The following CNOT10 variants were observed in gnomAD, a reference collection of about 807,000 sequenced individuals.
CNOT10 encodes CCR4-NOT transcription complex subunit 10, also known as CCR4-NOT transcription complex, subunit 10.
CNOT10 carries 30 observed loss-of-function variants against 94.6 expected under a neutral mutation model. The ratio of observed to expected loss-of-function variants is 0.32; its 90% CI spans 0.24 to 0.43. CNOT10 has a LOEUF of 0.43. Ranked by LOEUF, CNOT10 falls within the 20% of genes least tolerant of loss-of-function variation. CNOT10 has a pLI of 1.00. For synonymous variants in CNOT10, 289 were observed against 301.6 expected (o/e 0.96, Z 0.43); for missense variants, 759 against 877.2 (o/e 0.87, Z 1.70).
intron 4 of CNOT10, among the ~76,000 whole-genome samples, chr3:32,709,053 A>C (rs1333927823): frequency 6.6e-6 from 1 of 152,200 alleles, no homozygotes; most frequent in East Asian, 1.9e-4. Context: ...AAGTGCTGAA[A>C]ACACTTAGTG....
At chr3:32,756,470 T>C (rs888481804) in intron 13 of CNOT10, among the ~76,000 whole-genome samples, 3 of 152,126 alleles carry the variant, frequency 2.0e-5, no homozygotes, top group Admixed American at 6.6e-5. Context: ...GGAGCAGTAA[T>C]AGCCCACCTA....
chr3:32,728,042 G>C (rs1428564320), intron 10 of CNOT10, among the ~76,000 whole-genome samples, 172 bp downstream of exon 10: 3 of 150,766 alleles, frequency 2.0e-5, no homozygotes, highest in Non-Finnish European at 4.4e-5. Context: ...TATTGCCCAG[G>C]CTGGAGTGCA....
At chr3:32,726,429 T>G (rs965865204) in intron 9 of CNOT10, among the ~76,000 whole-genome samples, 8 of 152,056 alleles carry the variant, frequency 5.3e-5, no homozygotes, top group Admixed American at 3.9e-4. Flanking sequence ...GGGCGGTGGC[T>G]CACGCCTGTA....
chr3:32,772,224 G>A (rs1409714622), intron 18 of CNOT10, among the ~76,000 whole-genome samples: 2 of 152,150 alleles, frequency 1.3e-5, no homozygotes, highest in African/African-American at 2.4e-5. Flanking sequence ...TTGGCATACA[G>A]TTGTAGTTCC....
chr3:32,713,211 GT>G lies in CNOT10; in HGVS notation c.431-8del, dbSNP rs775884650. 13 of 1,555,478 alleles carry G rather than the reference GT, an allele frequency of 8.4e-6. No homozygotes were observed. The highest frequency in any genetic ancestry group is 6.1e-5 in the South Asian group (5 of 81,554). On this transcript the variant is annotated splice_polypyrimidine_tract_variant and intron_variant, in intron 4 of 18. Coordinates refer to ENST00000328834, the MANE Select transcript of CNOT10 (RefSeq NM_015442.3). ...TTAGGTTGTGACTATTCTTTTCTGT[GT>G]TTTTTTTCTCCCAGAAGAAAAATTT...
At chr3:32,717,415 T>C (rs1698171770) in intron 7 of CNOT10, among the ~76,000 whole-genome samples, 178 bp downstream of exon 7, 1 of 152,176 alleles carries the variant, frequency 6.6e-6, no homozygotes, top group Non-Finnish European at 1.5e-5. Flanking sequence ...TTTTTTTTTT[T>C]TACTTAAAAT....
intron 13 of CNOT10, among the ~76,000 whole-genome samples, chr3:32,748,280 T>C (rs191017827): frequency 2.8e-4 from 43 of 152,380 alleles, no homozygotes; most frequent in Non-Finnish European, 5.7e-4. Flanking sequence ...TGTCACAGTT[T>C]TTTGTACCAC....
chr3:32,749,117 C>T (rs761991749), intron 13 of CNOT10, among the ~76,000 whole-genome samples: 10 of 152,140 alleles, frequency 6.6e-5, no homozygotes, highest in African/African-American at 1.7e-4. Flanking sequence ...CCAACGCATC[C>T]GGCCAAGAGT....
At chr3:32,725,914 C>G (rs1698643498) in intron 9 of CNOT10, among the ~76,000 whole-genome samples, 1 of 139,468 alleles carries the variant, frequency 7.2e-6, no homozygotes, top group South Asian at 2.3e-4. Context: ...CTGTGCCAAA[C>G]TAGGTTTATT....
At chr3:32,740,038 A>G (rs1699389504) in intron 13 of CNOT10, among the ~76,000 whole-genome samples, 2 of 152,248 alleles carry the variant, frequency 1.3e-5, no homozygotes, top group African/African-American at 2.4e-5. Flanking sequence ...TCATGGCTGC[A>G]GTAAGCTGTG....
chr3:32,689,138 A>C (rs917138961), intron 1 of CNOT10, among the ~76,000 whole-genome samples: 1 of 152,146 alleles, frequency 6.6e-6, no homozygotes, highest in East Asian at 1.9e-4. Context: ...GGATCACCTG[A>C]GGACAGGAGT....
In CNOT10 at chr3:32,739,239, C is replaced by G. The variant is rs532433878; in HGVS notation, c.1595+1749C>G. 1.7e-3 allele frequency among the ~76,000 whole-genome samples: 256 copies of G among 152,278 alleles called. 1 individual carries two copies. The highest frequency in any genetic ancestry group is 5.9e-3 in the African/African-American group (244 of 41,560). On this transcript the variant is annotated intron_variant, in intron 13 of 18. Coordinates refer to ENST00000328834, the MANE Select transcript of CNOT10 (RefSeq NM_015442.3). The stretch of plus-strand genomic sequence containing the variant: ...TTTGTGATATTTGTGGGATCTCTTG[C>G]TTTCTCTCCTTTCTTCCCTAAGCAA...
chr3:32,736,025 A>G lies in CNOT10; in HGVS notation c.1514+1049A>G, dbSNP rs543485532. Reference sequence around the variant, plus strand: ...AAGGACAAAACACATACCATTATATATAGGGAATTCAGCTTTTTTCTTTCT... The same window carrying G: ...AAGGACAAAACACATACCATTATATGTAGGGAATTCAGCTTTTTTCTTTCT... On this transcript the variant is annotated intron_variant, in intron 12 of 18. Transcript: ENST00000328834. 3.3e-5 allele frequency among the ~76,000 whole-genome samples: 5 copies of G among 152,220 alleles called. No homozygotes were observed. The South Asian group carries it at 6.2e-4, about 19-fold the overall frequency.
chr3:32,720,370 A>G (rs1173744256), intron 8 of CNOT10, 139 bp downstream of exon 8: 1 of 435,834 alleles, frequency 2.3e-6, no homozygotes, highest in East Asian at 3.2e-5. Flanking sequence ...TTCTGGTGCA[A>G]AAATTTCCAG....
At chr3:32,761,359 G>C (rs1305306840) in intron 14 of CNOT10, among the ~76,000 whole-genome samples, 2 of 152,138 alleles carry the variant, frequency 1.3e-5, no homozygotes, top group Non-Finnish European at 2.9e-5. Flanking sequence ...CTGGTGTTCA[G>C]ATTGTGGTGT....
intron 13 of CNOT10, among the ~76,000 whole-genome samples, chr3:32,752,581 A>G (rs1559511090): frequency 6.6e-6 from 1 of 152,212 alleles, no homozygotes; most frequent in Non-Finnish European, 1.5e-5. Context: ...GATTTGGACT[A>G]TGTTTGTCAA....
intron 12 of CNOT10, among the ~76,000 whole-genome samples, chr3:32,735,338 T>G (rs796552112): frequency 7.0e-6 from 1 of 141,958 alleles, no homozygotes; most frequent in Non-Finnish European, 1.5e-5. Flanking sequence ...GAGTGAGACT[T>G]CATCTCAAAA....
chr3:32,743,938 G>GTA lies in CNOT10; in HGVS notation c.1595+6458_1595+6459dup, dbSNP rs201966676. On this transcript the variant is annotated intron_variant, in intron 13 of 18. Coordinates refer to ENST00000328834, the MANE Select transcript of CNOT10 (RefSeq NM_015442.3). Reference sequence around the variant, plus strand: ...AAGTGAGGCAAGGGTGGATTCTGTAGTATATATATATTTTTTTCTTCTGGA... The same window carrying GTA: ...AAGTGAGGCAAGGGTGGATTCTGTAGTATATATATATATTTTTTTCTTCTGGA... Among the ~76,000 whole-genome samples the GTA allele has an allele frequency of 1.0e-3, 152 of 152,156 alleles. 2 individuals are homozygous for GTA. In the East Asian group the frequency reaches 0.017, roughly 17 times the overall value.
rs777963120 is a variant in CNOT10 at position 32,751,385 on chromosome 3, C to T, written c.1596-8073C>T. Among the ~76,000 whole-genome samples, 237 of 152,224 alleles carry T rather than the reference C, an allele frequency of 1.6e-3. 3 individuals are homozygous for T. Among genetic ancestry groups the T allele is most frequent in the Non-Finnish European group, 3.1e-4 (21 of 68,020 alleles). ...CCTCCCAATGTGCTGAGATTATAAG[C>T]GTGAGCTACAGCACCTGGCCTGAAA... On this transcript the variant is annotated intron_variant, in intron 13 of 18. Coordinates refer to ENST00000328834, the MANE Select transcript of CNOT10 (RefSeq NM_015442.3).
Sources: gnomAD v4.1 joint callset for allele counts (sites outside exome capture counted in the v4.1 genomes callset) on GRCh38, gnomAD v4.1.1 for gene constraint, MANE v1.5 for transcripts, NCBI Gene and HGNC (gene_info 2026-07-23, HGNC 2026-07-21) for gene names.